Variants in KLHL3 observed in about 807,000 individuals in gnomAD.
The protein encoded by KLHL3 is kelch-like protein 3.
Under a neutral mutation model 70.5 loss-of-function variants are expected in KLHL3, and 19 were observed. That is an observed-to-expected ratio of 0.27 (90% CI 0.19 to 0.40). The LOEUF is 0.40. KLHL3 is among the 10% of genes least tolerant of loss of function. KLHL3 has a pLI of 1.00. For synonymous variants in KLHL3, 258 were observed against 290.3 expected (o/e 0.89, Z 1.13); for missense variants, 512 against 771.1 (o/e 0.66, Z 3.98).
chr5:137,661,145 T>C (rs1376128960), intron 7 of KLHL3: 5 of 152,258 alleles, frequency 3.3e-5, no homozygotes, highest in Non-Finnish European at 1.5e-5. Context: ...AGCGTATCAA[T>C]GGTGGCAGCT....
At chr5:137,646,468 T>C (rs1037245284) in intron 8 of KLHL3, among the ~76,000 whole-genome samples, 1 of 152,146 alleles carries the variant, frequency 6.6e-6, no homozygotes, top group Non-Finnish European at 1.5e-5. Flanking sequence ...AGAATAAATT[T>C]CCTATCATGA....
intron 3 of KLHL3, among the ~76,000 whole-genome samples, chr5:137,698,639 A>G (rs991346799): frequency 1.3e-5 from 2 of 152,110 alleles, no homozygotes; most frequent in African/African-American, 4.8e-5. Flanking sequence ...TACTCTATCT[A>G]TTGCCCACTT....
chr5:137,648,523 C>T (rs984855195), intron 8 of KLHL3, among the ~76,000 whole-genome samples: 2 of 152,234 alleles, frequency 1.3e-5, no homozygotes, highest in Non-Finnish European at 2.9e-5. Flanking sequence ...ACGTAGGAGA[C>T]TTCTGAGTGG....
intron 6 of KLHL3, among the ~76,000 whole-genome samples, chr5:137,674,901 A>C (rs926998472): frequency 2.0e-5 from 3 of 152,262 alleles, no homozygotes; most frequent in Non-Finnish European, 4.4e-5. Flanking sequence ...GACTAGCATT[A>C]AAATGAAAAA....
chr5:137,653,947 G>A (rs529132072), intron 8 of KLHL3, among the ~76,000 whole-genome samples: 47 of 152,292 alleles, frequency 3.1e-4, no homozygotes, highest in African/African-American at 1.0e-3. Flanking sequence ...ATGCAACAAC[G>A]GGGATGAATC....
At position 137,637,388 on chromosome 5, in the gene KLHL3, T is replaced by C. The variant is rs772081731; in HGVS notation, c.1227A>G (p.Ala409=). 15 of 1,613,660 alleles carry C rather than the reference T, an allele frequency of 9.3e-6. No homozygotes were observed. Among genetic ancestry groups the C allele is most frequent in the African/African-American group, 1.3e-5 (1 of 74,918 alleles). ...VGGFDGSTGL[A]SVEAYSYKTN... ...TCTTGTAGCTGTAGGCTTCCACCGA[T>C]GCTAGGCCTGGGAGACAAGAGACTC... Residue 409 remains alanine (A), a synonymous_variant, in exon 11 of 15, where the codon GCA becomes GCG. Coordinates refer to ENST00000309755, the MANE Select transcript of KLHL3 (RefSeq NM_017415.3).
At chr5:137,670,062 G>A (rs1751713850) in intron 6 of KLHL3, among the ~76,000 whole-genome samples, 1 of 152,150 alleles carries the variant, frequency 6.6e-6, no homozygotes, top group African/African-American at 2.4e-5. Flanking sequence ...ATCTCCTGTG[G>A]GCTGAGGAAC....
intron 6 of KLHL3, among the ~76,000 whole-genome samples, chr5:137,673,499 CAAT>C (rs1751812913): frequency 6.6e-6 from 1 of 152,000 alleles, no homozygotes; most frequent in African/African-American, 2.4e-5. Flanking sequence ...TGACCTCTCT[CAAT>C]AACAAGAATT....
At chr5:137,643,363 A>C (rs1270435101) in intron 8 of KLHL3, among the ~76,000 whole-genome samples, 1 of 152,084 alleles carries the variant, frequency 6.6e-6, no homozygotes, top group African/African-American at 2.4e-5. Flanking sequence ...TCAAAAAAAA[A>C]AAAAAAAATA....
chr5:137,642,274 C>T lies in KLHL3; in HGVS notation c.904-2297G>A, dbSNP rs117766947. Among the ~76,000 whole-genome samples the T allele has an allele frequency of 2.2e-4, 34 of 152,334 alleles. 1 individual carries two copies. In the East Asian group the frequency reaches 6.6e-3, roughly 29 times the overall value. On this transcript the variant is annotated intron_variant, in intron 8 of 14. Coordinates refer to ENST00000309755, the MANE Select transcript of KLHL3 (RefSeq NM_017415.3). ...CTGCAAGGACTTCAGGCACCCCACACCCTCCCACATGCTGTTCCCTGACTC... is the reference window on the plus strand; with the variant it reads ...CTGCAAGGACTTCAGGCACCCCACATCCTCCCACATGCTGTTCCCTGACTC...
At chr5:137,718,680 C>T (rs565749640) in intron 2 of KLHL3, among the ~76,000 whole-genome samples, 64 of 152,252 alleles carry the variant, frequency 4.2e-4, no homozygotes, top group South Asian at 1.5e-3. Flanking sequence ...AAGCCATACC[C>T]AAAAGAACTA....
At position 137,639,795 on chromosome 5, in the gene KLHL3, G is replaced by A. The variant is rs140503622; in HGVS notation, c.1021+65C>T. 5.2e-5 allele frequency: 64 copies of A among 1,222,994 alleles called. 1 individual carries two copies. In the Middle Eastern group the frequency reaches 9.4e-4, roughly 18 times the overall value. The allele number at this position is 1,222,994 out of a possible 1,614,324, so 75.8% of individuals were successfully genotyped here. Reference sequence around the variant, plus strand: ...CTTGAGGAAACAAGGAGTAGCTCACGACTTCTGGCACGGAGTGGGGACCAG... The same window carrying A: ...CTTGAGGAAACAAGGAGTAGCTCACAACTTCTGGCACGGAGTGGGGACCAG... On this transcript the variant is annotated intron_variant, in intron 9 of 14. Coordinates refer to ENST00000309755, the MANE Select transcript of KLHL3 (RefSeq NM_017415.3). This position sits in a 1 kb window ranked among gnomAD's most constrained non-coding sequence, Gnocchi z 5.0.
At position 137,692,463 on chromosome 5, in the gene KLHL3, A is replaced by G; in HGVS notation, c.364-16T>C. 6.2e-7 allele frequency: 1 copy of G among 1,613,330 alleles called. No individual in the cohort carries two copies. Among genetic ancestry groups the G allele is most frequent in the Non-Finnish European group, 8.5e-7 (1 of 1,179,554 alleles). On this transcript the variant is annotated splice_polypyrimidine_tract_variant and intron_variant, in intron 4 of 14. Coordinates refer to ENST00000309755, the MANE Select transcript of KLHL3 (RefSeq NM_017415.3). ...GGAGCAGCACCTGCAAGAGAAGGTG[A>G]CATTCTCAGATATTGGATCCCACTG... is the stretch of plus-strand genomic sequence containing the variant.
chr5:137,635,632 G>C (rs1750748212), intron 11 of KLHL3, among the ~76,000 whole-genome samples: 1 of 152,084 alleles, frequency 6.6e-6, no homozygotes, highest in Non-Finnish European at 1.5e-5. Context: ...GTCTCTTCAA[G>C]GCCACAGTGA....
At chr5:137,695,993 A>G (rs913119743) in intron 4 of KLHL3, among the ~76,000 whole-genome samples, 1 of 152,146 alleles carries the variant, frequency 6.6e-6, no homozygotes, top group Non-Finnish European at 1.5e-5. Flanking sequence ...AGGCCCTGAA[A>G]TGGCCCCCAG....
intron 11 of KLHL3, among the ~76,000 whole-genome samples, chr5:137,635,211 A>G (rs1322386393): frequency 6.6e-6 from 1 of 152,236 alleles, no homozygotes; most frequent in Non-Finnish European, 1.5e-5. Context: ...CTGTATTATC[A>G]AATATAAAAA....
At chr5:137,715,962 C>T (rs9327798) in intron 2 of KLHL3, among the ~76,000 whole-genome samples, 3,254 of 152,192 alleles carry the variant, frequency 0.021, 120 homozygotes, top group African/African-American at 0.074. Context: ...TCTAGGGTCA[C>T]ACAATAAGTA....
At chr5:137,695,929 C>T (rs1194438114) in intron 4 of KLHL3, among the ~76,000 whole-genome samples, 1 of 152,150 alleles carries the variant, frequency 6.6e-6, no homozygotes, top group Admixed American at 6.5e-5. Flanking sequence ...TACCGTAAGT[C>T]AAAAATCTTC....
At position 137,639,505 on chromosome 5, in the gene KLHL3, G is replaced by C. The variant is rs1750855445; in HGVS notation, c.1021+355C>G. On this transcript the variant is annotated intron_variant, in intron 9 of 14. Coordinates refer to ENST00000309755, the MANE Select transcript of KLHL3 (RefSeq NM_017415.3). This position sits in a 1 kb window ranked among gnomAD's most constrained non-coding sequence, Gnocchi z 5.0. ...AGGTCAGGAGTTCAAGACCAGCTTG[G>C]CCAAAATGGTGAAACCCGTCTCTAC... 6.6e-6 allele frequency among the ~76,000 whole-genome samples: 1 copy of C among 152,012 alleles called. No homozygotes were observed. Among genetic ancestry groups the C allele is most frequent in the South Asian group, 2.1e-4 (1 of 4,810 alleles).
Sources: allele counts gnomAD v4.1 joint callset (sites outside exome capture counted in the v4.1 genomes callset), GRCh38; gene constraint gnomAD v4.1.1; non-coding constraint Gnocchi (gnomAD v3.1); transcripts MANE v1.5; gene names NCBI Gene and HGNC (gene_info 2026-07-23, HGNC 2026-07-21).